Variants in AGBL4 observed in about 807,000 individuals in gnomAD.
AGBL4 encodes cytosolic carboxypeptidase 6.
Under a neutral mutation model 66.4 loss-of-function variants are expected in AGBL4, and 58 were observed. That is an observed-to-expected ratio of 0.87 (90% CI 0.71 to 1.09). The LOEUF is 1.09. AGBL4 is among the 50% of genes least tolerant of loss of function. The pLI, the probability that AGBL4 is intolerant of heterozygous loss-of-function variation, is 0.00. For missense variants in AGBL4, 579 were observed against 631.0 expected (o/e 0.92, Z 0.88); for synonymous variants, 234 against 222.9 (o/e 1.05, Z -0.44).
intron 3 of AGBL4, among the ~76,000 whole-genome samples, chr1:49,372,750 C>T (rs1328346609): frequency 1.3e-5 from 2 of 148,784 alleles, no homozygotes; most frequent in Non-Finnish European, 3.0e-5. Context: ...TCTTCTCTCT[C>T]TCTCTCTTTC....
intron 5 of AGBL4, among the ~76,000 whole-genome samples, chr1:48,984,617 C>T (rs1416697147): frequency 3.3e-5 from 5 of 150,086 alleles, no homozygotes; most frequent in African/African-American, 1.2e-4. Context: ...AAAAAAAACC[C>T]CAATACTGTT....
intron 1 of AGBL4, among the ~76,000 whole-genome samples, chr1:49,929,745 A>G (rs1030277722): frequency 3.3e-5 from 5 of 152,098 alleles, no homozygotes; most frequent in African/African-American, 1.2e-4. Context: ...ACAAATAAAG[A>G]CTTTTTATAT....
chr1:48,665,866 C>T (rs1646178495), intron 6 of AGBL4, among the ~76,000 whole-genome samples: 1 of 152,094 alleles, frequency 6.6e-6, no homozygotes, highest in Admixed American at 6.6e-5. Flanking sequence ...CTAAGGAGGC[C>T]CTTGGTGAAG....
chr1:49,143,759 A>G (rs1646162981), intron 4 of AGBL4, among the ~76,000 whole-genome samples: 1 of 152,230 alleles, frequency 6.6e-6, no homozygotes, highest in Non-Finnish European at 1.5e-5. Flanking sequence ...CATGGAGAAC[A>G]AAGTGGAAAA....
At chr1:48,566,735 G>A (rs1428827158) in intron 11 of AGBL4, among the ~76,000 whole-genome samples, 1 of 152,210 alleles carries the variant, frequency 6.6e-6, no homozygotes, top group African/African-American at 2.4e-5. Flanking sequence ...GACCTCTCTT[G>A]AGCAAGAGGG....
chr1:49,822,859 C>T (rs779871952), intron 2 of AGBL4, among the ~76,000 whole-genome samples: 2 of 152,102 alleles, frequency 1.3e-5, no homozygotes, highest in Non-Finnish European at 2.9e-5. Context: ...TCTACCTGGG[C>T]ACACAAATAG....
In AGBL4 at chr1:48,653,471, C is replaced by A; in HGVS notation, c.725-20G>T. On this transcript the variant is annotated intron_variant, in intron 7 of 13. Transcript: ENST00000371839. ...TGATCCCTAGGGAAAGAGAAGAGCC[C>A]GGTTTAACAACAAAGCATTTCAAGA... 1 of 1,493,330 alleles carries A rather than the reference C, an allele frequency of 6.7e-7. No individual in the cohort carries two copies. Among genetic ancestry groups the A allele is most frequent in the East Asian group, 2.4e-5 (1 of 41,350 alleles). 92.5% of individuals were successfully genotyped at this position (1,493,330 alleles called of 1,614,324 possible). A position where few individuals can be genotyped will look rare whatever the true frequency, so the allele number is the denominator to read the frequency against.
chr1:48,774,820 A>AT (rs1644997573), intron 6 of AGBL4, among the ~76,000 whole-genome samples: 1 of 152,228 alleles, frequency 6.6e-6, no homozygotes, highest in African/African-American at 2.4e-5. Context: ...TGCTGAATGA[A>AT]TGAGTAGATG....
intron 3 of AGBL4, among the ~76,000 whole-genome samples, chr1:49,423,550 C>T (rs1645591274): frequency 1.3e-5 from 2 of 152,134 alleles, no homozygotes; most frequent in Admixed American, 6.5e-5. Flanking sequence ...TGGCTCACAC[C>T]TGTAATCCCA....
At chr1:48,742,117 T>C (rs1201243721) in intron 6 of AGBL4, among the ~76,000 whole-genome samples, 2 of 152,224 alleles carry the variant, frequency 1.3e-5, no homozygotes, top group Non-Finnish European at 2.9e-5. Context: ...TGAAGGAGGC[T>C]TGGGGATAAG....
chr1:49,536,955 C>CA (rs1048804911), intron 3 of AGBL4, among the ~76,000 whole-genome samples: 1 of 150,596 alleles, frequency 6.6e-6, no homozygotes, highest in Non-Finnish European at 1.5e-5. Flanking sequence ...TGCAGTGAGC[C>CA]AAGATCATGC....
At chr1:49,235,147 T>C (rs1650619850) in intron 4 of AGBL4, among the ~76,000 whole-genome samples, 1 of 152,154 alleles carries the variant, frequency 6.6e-6, no homozygotes, top group Non-Finnish European at 1.5e-5. Context: ...GTGTGCAAAA[T>C]AAAGGCACTG....
intron 1 of AGBL4, among the ~76,000 whole-genome samples, chr1:49,971,735 C>T (rs1431383039): frequency 6.6e-6 from 1 of 151,746 alleles, no homozygotes; most frequent in Middle Eastern, 3.2e-3. Flanking sequence ...AAAAAATGTT[C>T]CAATTGATGG....
At chr1:49,566,494 G>C (rs181525635) in intron 3 of AGBL4, among the ~76,000 whole-genome samples, 1 of 152,258 alleles carries the variant, frequency 6.6e-6, no homozygotes, top group East Asian at 1.9e-4. Context: ...TGTCCTTTCT[G>C]TTTGCTAGTT....
chr1:49,500,109 C>A (rs1000046511), intron 3 of AGBL4, among the ~76,000 whole-genome samples: 25 of 152,108 alleles, frequency 1.6e-4, no homozygotes, highest in African/African-American at 6.0e-4. Flanking sequence ...TTTTAATTAG[C>A]ATTTTCCTGA....
chr1:48,961,986 G>C (rs1046635087), intron 5 of AGBL4, among the ~76,000 whole-genome samples: 4 of 152,106 alleles, frequency 2.6e-5, no homozygotes, highest in African/African-American at 4.8e-5. Flanking sequence ...GGATGAGAAG[G>C]GAGGCAATTG....
At chr1:48,951,380 A>G (rs1656974083) in intron 5 of AGBL4, among the ~76,000 whole-genome samples, 2 of 152,224 alleles carry the variant, frequency 1.3e-5, no homozygotes, top group Admixed American at 1.3e-4. Flanking sequence ...TGTTTTACCT[A>G]AGCCACTTAT....
At chr1:49,289,536 C>T (rs1395056813) in intron 3 of AGBL4, among the ~76,000 whole-genome samples, 2 of 152,126 alleles carry the variant, frequency 1.3e-5, no homozygotes, top group African/African-American at 4.8e-5. Context: ...TGAGGTGTGG[C>T]TCAAATAGTG....
chr1:48,963,543 T>A (rs560724019), intron 5 of AGBL4, among the ~76,000 whole-genome samples: 1 of 151,818 alleles, frequency 6.6e-6, no homozygotes, highest in Non-Finnish European at 1.5e-5. Flanking sequence ...ATCTCTCACA[T>A]GATAATGGCT....
Sources: gnomAD v4.1 joint callset for allele counts (sites outside exome capture counted in the v4.1 genomes callset) on GRCh38, gnomAD v4.1.1 for gene constraint, MANE v1.5 for transcripts, NCBI Gene and HGNC (gene_info 2026-07-23, HGNC 2026-07-21) for gene names.